Variants in HAUS8 observed in about 807,000 individuals in gnomAD.
HAUS8 encodes the protein HAUS augmin-like complex subunit 8.
HAUS8 carries 38 observed loss-of-function variants against 42.9 expected under a neutral mutation model. The ratio of observed to expected loss-of-function variants is 0.89; its 90% CI spans 0.68 to 1.16. The LOEUF is 1.16. Ranked by LOEUF, HAUS8 falls within the 50% of genes most tolerant of loss-of-function variation. HAUS8 has a pLI of 0.00. For missense variants in HAUS8, 494 were observed against 511.6 expected, an observed-to-expected ratio of 0.97 and a Z score of 0.33; for synonymous variants, 199 against 205.8, an observed-to-expected ratio of 0.97 and a Z score of 0.28.
chr19:17,062,524 C>T (rs1409335152), intron 4 of HAUS8, among the ~76,000 whole-genome samples, 174 bp downstream of exon 4: 1 of 152,102 alleles, frequency 6.6e-6, no homozygotes, highest in Non-Finnish European at 1.5e-5. Flanking sequence ...CCCTTTGCTC[C>T]GCATCCCCAC....
intron 5 of HAUS8, 115 bp downstream of exon 5, chr19:17,059,882 C>T: frequency 1.3e-6 from 1 of 780,206 alleles, no homozygotes. Context: ...ATATTTTCAA[C>T]TTACAATGGG....
chr19:17,052,565 A>G, intron 10 of HAUS8: 1 of 362,428 alleles, frequency 2.8e-6, no homozygotes. Flanking sequence ...CGACAGAGTG[A>G]GAACCTGTCT....
rs148001879 is a variant in HAUS8 at position 17,056,365 on chromosome 19, T to G, written c.646-363A>C. ...TCTGGGTCTTCATGGGGGTTTGAAA[T>G]GATATACGATTGACCCTTGAGCAAC... On this transcript the variant is annotated intron_variant, in intron 8 of 10. Transcript: ENST00000253669. 2.0e-3 allele frequency among the ~76,000 whole-genome samples: 305 copies of G among 152,234 alleles called. 2 individuals are homozygous for G. The East Asian group carries it at 0.043, about 21-fold the overall frequency.
chr19:17,050,009 A>G lies in HAUS8; in HGVS notation c.1097T>C (p.Leu366Pro). ...GGCACCCGGGTTGTCGTCCTCAGACAGGGGCGTGTTCTTGGGTGCTCCCCC... is the reference window on the plus strand; with the variant it reads ...GGCACCCGGGTTGTCGTCCTCAGACGGGGGCGTGTTCTTGGGTGCTCCCCC... ...ESGGAPKNTP[L>P]SEDDNPGASS... Residue 366 changes from leucine to proline, a missense_variant, in exon 11 of 11, where the codon CTG (leucine) becomes CCG (proline). Physicochemically the swap from Leu to Pro is moderately conservative, Grantham distance 98. Transcript: ENST00000253669. The G allele has an allele frequency of 6.2e-7, 1 of 1,607,614 alleles. No homozygotes were observed. The highest frequency in any genetic ancestry group is 1.1e-5 in the South Asian group (1 of 90,154).
intron 3 of HAUS8, 86 bp downstream of exon 3, chr19:17,068,945 A>C (rs2057404278): frequency 1.6e-6 from 2 of 1,235,090 alleles, no homozygotes; most frequent in Non-Finnish European, 2.3e-6. Flanking sequence ...CCAGGTTGTG[A>C]CCACCTCCCA....
chr19:17,061,539 C>A (rs1432883197), intron 4 of HAUS8, among the ~76,000 whole-genome samples: 1 of 152,220 alleles, frequency 6.6e-6, no homozygotes, highest in African/African-American at 2.4e-5. Flanking sequence ...CAAAGCCATA[C>A]AATGGAACTC....
intron 10 of HAUS8, among the ~76,000 whole-genome samples, chr19:17,051,497 T>TATCA (rs1429552322): frequency 2.0e-5 from 3 of 151,896 alleles, no homozygotes; most frequent in Non-Finnish European, 4.4e-5. Context: ...GGGCCATTTC[T>TATCA]ATCAATCAGA....
chr19:17,058,947 G>A lies in HAUS8; in HGVS notation c.421-71C>T, dbSNP rs2057343137. 5.4e-6 allele frequency: 7 copies of A among 1,297,448 alleles called. No individual in the cohort carries two copies. The Admixed American group carries it at 5.7e-5, about 11-fold the overall frequency. The allele number at this position is 1,297,448 out of a possible 1,614,324, so 80.4% of individuals were successfully genotyped here. On this transcript the variant is annotated intron_variant, in intron 6 of 10. Coordinates refer to ENST00000253669, the MANE Select transcript of HAUS8 (RefSeq NM_033417.2). ...AAATCCAGCTCTTTTCCCAGCAGGG[G>A]GAGAACTCTGGCTTGTGTGGATTTT...
At chr19:17,069,175 C>G in intron 2 of HAUS8, 89 bp from the exon 3 acceptor site, 1 of 1,110,900 alleles carries the variant, frequency 9.0e-7, no homozygotes, top group Non-Finnish European at 1.4e-6. Flanking sequence ...GACCCAGATG[C>G]CAGGGGCCCT....
At position 17,075,432 on chromosome 19, in the gene HAUS8, T is replaced by C; in HGVS notation, c.-10A>G. ...CCGAGGAATCCGCCATTTTCCCGCC[T>C]TCCACCTCAAGGCCCGACCCGCCGG... On this transcript the variant is annotated 5_prime_UTR_variant, in exon 1 of 11. Transcript: ENST00000253669. 1 of 1,613,674 alleles carries C rather than the reference T, an allele frequency of 6.2e-7. No individual in the cohort carries two copies. Among genetic ancestry groups the C allele is most frequent in the Non-Finnish European group, 8.5e-7 (1 of 1,179,856 alleles).
intron 9 of HAUS8, among the ~76,000 whole-genome samples, chr19:17,054,592 G>A (rs1435553624): frequency 6.6e-6 from 1 of 151,770 alleles, no homozygotes; most frequent in Admixed American, 6.6e-5. Flanking sequence ...ACCTGAGGTC[G>A]GGAGTTTAAG....
intron 3 of HAUS8, among the ~76,000 whole-genome samples, chr19:17,066,032 T>C (rs908415014): frequency 7.3e-5 from 11 of 151,648 alleles, no homozygotes; most frequent in Non-Finnish European, 2.9e-5. Context: ...AGTGGCTCAC[T>C]GCAGACTCAA....
intron 3 of HAUS8, among the ~76,000 whole-genome samples, chr19:17,064,453 T>A (rs1214189302): frequency 6.6e-6 from 1 of 152,242 alleles, no homozygotes; most frequent in Non-Finnish European, 1.5e-5. Flanking sequence ...AGGTCTCACA[T>A]TACCTGTTCT....
At chr19:17,071,778 C>T (rs2057425941) in intron 2 of HAUS8, among the ~76,000 whole-genome samples, 1 of 152,112 alleles carries the variant, frequency 6.6e-6, no homozygotes. Flanking sequence ...GGACGGATCA[C>T]TTGAGGTCAG....
chr19:17,065,706 A>G (rs1322045586), intron 3 of HAUS8, among the ~76,000 whole-genome samples: 6 of 152,086 alleles, frequency 3.9e-5, no homozygotes, highest in African/African-American at 1.4e-4. Flanking sequence ...ATGCGCCTGT[A>G]ATCCCAGCTA....
chr19:17,054,911 C>A (rs559221887), intron 9 of HAUS8: 1 of 148,830 alleles, frequency 6.7e-6, no homozygotes, highest in East Asian at 2.0e-4. Flanking sequence ...TTGAAGGCTG[C>A]AGTGAGCTAT....
chr19:17,050,688 G>C (rs1481261221), intron 10 of HAUS8, among the ~76,000 whole-genome samples: 1 of 152,156 alleles, frequency 6.6e-6, no homozygotes, highest in African/African-American at 2.4e-5. Context: ...CTGAGGTCAG[G>C]AGTTCAAGAC....
At chr19:17,065,749 G>A (rs975248595) in intron 3 of HAUS8, among the ~76,000 whole-genome samples, 4 of 151,800 alleles carry the variant, frequency 2.6e-5, no homozygotes, top group Non-Finnish European at 5.9e-5. Context: ...GCTTGAACCC[G>A]GGAGGCAGAG....
chr19:17,067,660 C>T (rs1421152640), intron 3 of HAUS8, among the ~76,000 whole-genome samples: 1 of 152,080 alleles, frequency 6.6e-6, no homozygotes, highest in Non-Finnish European at 1.5e-5. Flanking sequence ...AAATTTGGAG[C>T]GTGGAAGACT....
Sources: allele counts gnomAD v4.1 joint callset (sites outside exome capture counted in the v4.1 genomes callset), GRCh38; gene constraint gnomAD v4.1.1; transcripts MANE v1.5; gene names NCBI Gene and HGNC (gene_info 2026-07-23, HGNC 2026-07-21).